The following GPR155 variants were observed in gnomAD, a reference collection of about 807,000 sequenced individuals.
The protein encoded by GPR155 is G protein-coupled receptor 155.
GPR155 carries 65 observed loss-of-function variants against 93.1 expected under a neutral mutation model. The ratio of observed to expected loss-of-function variants is 0.70; its 90% CI spans 0.57 to 0.86. The LOEUF (loss-of-function observed/expected upper bound fraction) is 0.86. GPR155 is among the 40% of genes least tolerant of loss of function. The probability of loss-of-function intolerance (pLI) is 0.00; values close to 1 mark genes in which losing one functional copy is unlikely to be tolerated. For missense variants in GPR155, 838 were observed against 1,034.8 expected (o/e 0.81, Z 2.61); for synonymous variants, 319 against 360.1 (o/e 0.89, Z 1.29).
intron 3 of GPR155, among the ~76,000 whole-genome samples, chr2:174,471,675 C>A (rs1688003172): frequency 6.6e-6 from 1 of 152,052 alleles, no homozygotes; most frequent in South Asian, 2.1e-4. Flanking sequence ...ACAGCAGCAC[C>A]TAGCAAGGCC....
chr2:174,443,351 AAT>A (rs1202010657), intron 13 of GPR155, among the ~76,000 whole-genome samples: 1 of 152,256 alleles, frequency 6.6e-6, no homozygotes, highest in Non-Finnish European at 1.5e-5. Flanking sequence ...TTTTAGATTT[AAT>A]AGACAAACTC....
At chr2:174,483,769 G>A (rs1688396007) in intron 1 of GPR155, among the ~76,000 whole-genome samples, 1 of 151,950 alleles carries the variant, frequency 6.6e-6, no homozygotes, top group Non-Finnish European at 1.5e-5. Context: ...ATTTTTAGTA[G>A]AGACGGGGTT....
In GPR155 at chr2:174,435,837, C is replaced by G. The variant is rs189649114; in HGVS notation, c.*279G>C. ...TTTGGGATCTTCAGGAGTCCTGGAACCAATCCCCTTGGATACTAAAGGATG... is the reference window on the plus strand; with the variant it reads ...TTTGGGATCTTCAGGAGTCCTGGAAGCAATCCCCTTGGATACTAAAGGATG... On this transcript the variant is annotated 3_prime_UTR_variant, in exon 16 of 16. Transcript: ENST00000392552. 1 of 316,078 alleles carries G rather than the reference C, an allele frequency of 3.2e-6. No homozygotes were observed. Among genetic ancestry groups the G allele is most frequent in the African/African-American group, 2.1e-5 (1 of 47,038 alleles). The allele number at this position is 316,078 out of a possible 1,614,324, so 19.6% of individuals were successfully genotyped here.
intron 7 of GPR155, 71 bp from the exon 8 acceptor site, chr2:174,461,743 T>C: frequency 1.1e-6 from 1 of 917,998 alleles, no homozygotes. Context: ...TTTATTTCCT[T>C]TTTATTTTTT....
intron 6 of GPR155, 87 bp from the exon 7 acceptor site, chr2:174,465,989 G>A (rs1687828772): frequency 1.6e-6 from 1 of 637,572 alleles, no homozygotes; most frequent in Non-Finnish European, 2.8e-6. Context: ...AATTAAGCCA[G>A]CCATATTCAT....
chr2:174,475,890 A>AT (rs764107735), intron 2 of GPR155, among the ~76,000 whole-genome samples: 2 of 152,226 alleles, frequency 1.3e-5, no homozygotes, highest in Non-Finnish European at 2.9e-5. Context: ...TAAGATGCAT[A>AT]ACATGTTTTC....
chr2:174,446,482 C>A (rs1433255382), intron 12 of GPR155, 129 bp downstream of exon 12: 2 of 738,906 alleles, frequency 2.7e-6, no homozygotes, highest in African/African-American at 3.6e-5. Context: ...AGCTCAAGAT[C>A]CAAATTCAGG....
At position 174,466,599 on chromosome 2, in the gene GPR155, C is replaced by T. The variant is rs1046243637; in HGVS notation, c.1211G>A (p.Ser404Asn). The T allele has an allele frequency of 2.5e-6, 4 of 1,591,156 alleles. No individual in the cohort carries two copies. In the African/African-American group the frequency reaches 5.4e-5, roughly 21 times the overall value. Residue 404 changes from serine to asparagine, a missense_variant, in exon 6 of 16, where the codon AGT becomes AAT. Physicochemically the swap from Ser to Asn is conservative, Grantham distance 46. Around this residue, in one of 3 missense-constraint regions of GPR155, gnomAD observed 663 missense variants for 790.1 expected, o/e 0.84. Transcript: ENST00000392552. Reference protein sequence around the residue: ...LIWSLAILLLSKKYKQLPHML... With the variant: ...LIWSLAILLLNKKYKQLPHML... Reference sequence around the variant, plus strand: ...ATGAGGAAGCTGTTTATATTTCTTACTCAAAAGAAGAATAGCCAGAGACCA... The same window carrying T: ...ATGAGGAAGCTGTTTATATTTCTTATTCAAAAGAAGAATAGCCAGAGACCA...
At chr2:174,454,643 A>C (rs917709675) in intron 10 of GPR155, among the ~76,000 whole-genome samples, 13 of 140,160 alleles carry the variant, frequency 9.3e-5, no homozygotes. Flanking sequence ...GGAAGGAAGG[A>C]AGGAGGGAGG....
At chr2:174,460,779 AAAT>A (rs1687668589) in intron 9 of GPR155, among the ~76,000 whole-genome samples, 1 of 152,224 alleles carries the variant, frequency 6.6e-6, no homozygotes, top group Non-Finnish European at 1.5e-5. Context: ...ATGATATTAA[AAAT>A]AATTATAGCT....
chr2:174,433,126 TA>T lies in GPR155; in HGVS notation c.*2989del, dbSNP rs1180297781. On this transcript the variant is annotated 3_prime_UTR_variant, in exon 16 of 16. Transcript: ENST00000392552. ...TAAAAGGGCAATGACTCTAACCCTATAAATTATTTTATAAATAACTTTTTTA... is the reference window on the plus strand; with the variant it reads ...TAAAAGGGCAATGACTCTAACCCTATAATTATTTTATAAATAACTTTTTTA... The T allele has an allele frequency of 4.6e-5, 7 of 152,004 alleles. No individual in the cohort carries two copies. The highest frequency in any genetic ancestry group is 1.7e-4 in the African/African-American group (7 of 41,292). 9.4% of individuals were successfully genotyped at this position (152,004 alleles called of 1,614,324 possible).
chr2:174,478,834 C>A (rs1230360009), intron 2 of GPR155, among the ~76,000 whole-genome samples: 1 of 151,988 alleles, frequency 6.6e-6, no homozygotes, highest in Non-Finnish European at 1.5e-5. Context: ...GGTCTTCTCT[C>A]TGGGGACAGT....
At chr2:174,459,832 A>G (rs1177380971) in intron 10 of GPR155, 46 bp downstream of exon 10, 1 of 1,416,084 alleles carries the variant, frequency 7.1e-7, no homozygotes, top group Non-Finnish European at 9.8e-7. Flanking sequence ...ATGATAGAGC[A>G]AGATTCTGTC....
At chr2:174,452,103 G>C (rs554418666) in intron 11 of GPR155, among the ~76,000 whole-genome samples, 27 of 152,094 alleles carry the variant, frequency 1.8e-4, no homozygotes, top group African/African-American at 4.6e-4. Context: ...CAATAAGGAG[G>C]AAAACCTTGG....
intron 11 of GPR155, among the ~76,000 whole-genome samples, chr2:174,447,838 T>A (rs929346073): frequency 3.4e-5 from 5 of 148,112 alleles, no homozygotes; most frequent in Non-Finnish European, 7.4e-5. Context: ...AAAAAGTATA[T>A]AATATATATT....
chr2:174,448,329 C>T (rs903718854), intron 11 of GPR155, among the ~76,000 whole-genome samples: 10 of 152,000 alleles, frequency 6.6e-5, no homozygotes, highest in African/African-American at 1.4e-4. Flanking sequence ...GAGCCAACAT[C>T]GTGCCATGGC....
chr2:174,439,473 A>T (rs35009136), intron 15 of GPR155, among the ~76,000 whole-genome samples: 40,604 of 152,110 alleles, frequency 0.27, 6,182 homozygotes, highest in Middle Eastern at 0.54. Context: ...CAAAATTAAG[A>T]GGCAGAAATT....
rs1030655930 is a variant in GPR155 at position 174,431,736 on chromosome 2, T to C, written c.*4380A>G. The C allele has an allele frequency of 2.0e-5, 3 of 152,228 alleles. No individual in the cohort carries two copies. The highest frequency in any genetic ancestry group is 7.2e-5 in the African/African-American group (3 of 41,474). 9.4% of individuals were successfully genotyped at this position (152,228 alleles called of 1,614,324 possible). A position where few individuals can be genotyped will look rare whatever the true frequency, so the allele number is the denominator to read the frequency against. Reference sequence around the variant, plus strand: ...GCCTAAAGTAATTTAATATTTTACATGATGAGATATGAAGGGGCAAACACT... The same window carrying C: ...GCCTAAAGTAATTTAATATTTTACACGATGAGATATGAAGGGGCAAACACT... On this transcript the variant is annotated 3_prime_UTR_variant, in exon 16 of 16. Coordinates refer to ENST00000392552, the MANE Select transcript of GPR155 (RefSeq NM_152529.7).
intron 10 of GPR155, 140 bp from the exon 11 acceptor site, chr2:174,453,981 A>G (rs1035632331): frequency 1.6e-6 from 1 of 622,232 alleles, no homozygotes; most frequent in South Asian, 1.9e-5. Flanking sequence ...CATGGTATCT[A>G]TCCAAAAGTA....
Sources: allele counts gnomAD v4.1 joint callset (sites outside exome capture counted in the v4.1 genomes callset), GRCh38; gene constraint gnomAD v4.1.1; regional missense constraint gnomAD v4.1.1; transcripts MANE v1.5; gene names NCBI Gene and HGNC (gene_info 2026-07-23, HGNC 2026-07-21).